The following RNF213 variants were observed in gnomAD, a reference collection of about 807,000 sequenced individuals.
The protein encoded by RNF213 is ring finger protein 213, also known as E3 ubiquitin-protein ligase RNF213.
A neutral mutation model predicts 514.4 loss-of-function variants in RNF213; 341 were observed. The ratio of observed to expected loss-of-function variants is 0.66; its 90% CI spans 0.61 to 0.73. The LOEUF (loss-of-function observed/expected upper bound fraction) is 0.73. RNF213 is among the 30% of genes least tolerant of loss of function. RNF213 has a pLI of 0.00. For synonymous variants in RNF213, 2,655 were observed against 2,658.2 expected, an observed-to-expected ratio of 1.00 and a Z score of 0.04; for missense variants, 5,767 against 6,615.6, an observed-to-expected ratio of 0.87 and a Z score of 4.45.
chr17:80,273,348 A>G lies in RNF213; in HGVS notation c.205A>G (p.Ser69Gly), dbSNP rs762055802. Residue 69 changes from serine to glycine, a missense_variant, in exon 3 of 68, where the codon AGT becomes GGT. Physicochemically the swap from Ser to Gly is moderately conservative, Grantham distance 56. Coordinates refer to ENST00000582970, the MANE Select transcript of RNF213 (RefSeq NM_001256071.3). ...CCCGTGCTTGTTCCCGGGCTCAGAC[A>G]GTTGGCAAGAAAACCCCGAGGAGCC... ...GGPCLFPGSD[S>G]WQENPEEPCS... 9.3e-6 allele frequency: 15 copies of G among 1,613,436 alleles called. No individual in the cohort carries two copies. In the South Asian group the frequency reaches 1.2e-4, roughly 13 times the overall value.
intron 37 of RNF213, among the ~76,000 whole-genome samples, chr17:80,359,549 AAAAGAG>A (rs2078968179): frequency 6.7e-6 from 1 of 148,568 alleles, no homozygotes; most frequent in Non-Finnish European, 1.5e-5. Flanking sequence ...AAAAAAAAAA[AAAAGAG>A]TGAGAGAGGG....
At chr17:80,313,234 C>T in intron 15 of RNF213, 67 bp downstream of exon 15, 1 of 1,596,818 alleles carries the variant, frequency 6.3e-7, no homozygotes, top group Non-Finnish European at 8.6e-7. Context: ...GGCCTCAAAT[C>T]ATGGGGTACA....
At position 80,343,044 on chromosome 17, in the gene RNF213, G is replaced by C; in HGVS notation, c.5990-88G>C. 1 of 1,080,902 alleles carries C rather than the reference G, an allele frequency of 9.3e-7. No individual in the cohort carries two copies. 67.0% of individuals were successfully genotyped at this position (1,080,902 alleles called of 1,614,324 possible). A position where few individuals can be genotyped will look rare whatever the true frequency, so the allele number is the denominator to read the frequency against. On this transcript the variant is annotated intron_variant, in intron 26 of 67. Coordinates refer to ENST00000582970, the MANE Select transcript of RNF213 (RefSeq NM_001256071.3). This position sits in a 1 kb window ranked among gnomAD's most constrained non-coding sequence, Gnocchi z 4.3. ...GCTGGCTTTGAACTCCTGACCTCAAGTGATCCCCCCGCCTCGGCCTCCCAA... is the reference window on the plus strand; with the variant it reads ...GCTGGCTTTGAACTCCTGACCTCAACTGATCCCCCCGCCTCGGCCTCCCAA...
chr17:80,357,385 A>G (rs1381799717), intron 36 of RNF213, among the ~76,000 whole-genome samples: 2 of 151,918 alleles, frequency 1.3e-5, no homozygotes, highest in Non-Finnish European at 2.9e-5. Context: ...CTGTCCATCC[A>G]CCCATCTGTC....
At chr17:80,269,369 C>CA (rs2043723922) in intron 2 of RNF213, among the ~76,000 whole-genome samples, 1 of 150,414 alleles carries the variant, frequency 6.6e-6, no homozygotes, top group African/African-American at 2.4e-5. Flanking sequence ...TGTCCACCTA[C>CA]CCTATCTATC....
At chr17:80,319,567 G>T in intron 17 of RNF213, 1 of 1,600,368 alleles carries the variant, frequency 6.2e-7, no homozygotes, top group Non-Finnish European at 8.5e-7. Context: ...GGCCGTGCGC[G>T]TGTGGCACAA....
At chr17:80,349,962 C>T in intron 30 of RNF213, 56 bp downstream of exon 30, 2 of 1,606,740 alleles carry the variant, frequency 1.2e-6, no homozygotes, top group Non-Finnish European at 8.5e-7. Flanking sequence ...AGCCGTGTGG[C>T]TTCTGCGTGG....
At chr17:80,293,179 C>T (rs1344152920) in intron 8 of RNF213, among the ~76,000 whole-genome samples, 3 of 152,048 alleles carry the variant, frequency 2.0e-5, no homozygotes, top group South Asian at 2.1e-4. Flanking sequence ...CCCTCAGCCC[C>T]CCCAAGTAGC....
In RNF213 at chr17:80,345,874, T is replaced by A. The variant is rs1568103689; in HGVS notation, c.7539T>A (p.Ala2513=). The stretch of plus-strand genomic sequence containing the variant: ...ATATGGTGGATGGCCAGCCTCTGGC[T>A]GAGGACTCTGGCCTGCATATTATAG... The part of the protein sequence containing the change: ...CDHMVDGQPL[A]EDSGLHIIAA... Residue 2513 remains alanine, a synonymous_variant, in exon 29 of 68, where the codon GCT becomes GCA. Transcript: ENST00000582970. This position sits in a 1 kb window ranked among gnomAD's most constrained non-coding sequence, Gnocchi z 6.0. 6.2e-7 allele frequency: 1 copy of A among 1,614,170 alleles called. No homozygotes were observed. The highest frequency in any genetic ancestry group is 1.3e-5 in the African/African-American group (1 of 75,070).
intron 52 of RNF213, 111 bp downstream of exon 52, chr17:80,376,654 G>C (rs1408722711): frequency 6.8e-7 from 1 of 1,463,754 alleles, no homozygotes. Flanking sequence ...TATCTCCTCA[G>C]TTCTCTGCCT....
intron 46 of RNF213, 75 bp downstream of exon 46, chr17:80,369,942 C>G: frequency 9.6e-6 from 10 of 1,045,120 alleles, no homozygotes; most frequent in Non-Finnish European, 1.5e-5. Context: ...GTTACCAAGT[C>G]TTCTTGTCGT....
In RNF213 at chr17:80,340,308, A is replaced by G; in HGVS notation, c.5941A>G (p.Asn1981Asp). The G allele has an allele frequency of 6.2e-7, 1 of 1,613,876 alleles. No individual in the cohort carries two copies. The highest frequency in any genetic ancestry group is 8.5e-7 in the Non-Finnish European group (1 of 1,180,014). The change falls in exon 26 of 68, where the codon AAT becomes GAT. Residue 1981 changes from asparagine (N) to aspartate (D), a missense_variant. Physicochemically the swap from Asn to Asp is conservative, Grantham distance 23. This residue lies in a region of RNF213 where 1,377 missense variants were observed against 1,635.2 expected (regional missense o/e 0.84). Transcript: ENST00000582970. ...KQTLSAAAVF[N>D]DRLCVGIVAS... ...GACCCTGTCGGCGGCAGCCGTGTTC[A>G]ATGACCGGCTGTGTGTTGGGATCGT...
chr17:80,393,361 G>T lies in RNF213; in HGVS notation c.15487G>T (p.Val5163Leu), dbSNP rs201733659. ...GTTTTTCAGCCTGAGAGACACTCTC[G>T]TAAGTTACATGCAAACTAAAGAAAG... ...RPQWSLRDTL[V>L]SYMQTKESEI... The change falls in exon 68 of 68, where the codon GTA becomes TTA. Residue 5163 changes from valine to leucine, a missense_variant. By Grantham distance (32) the Val-to-Leu change is conservative. Transcript: ENST00000582970. 10 of 1,614,024 alleles carry T rather than the reference G, an allele frequency of 6.2e-6. 1 individual carries two copies. Among genetic ancestry groups the T allele is most frequent in the Middle Eastern group, 3.3e-4 (2 of 6,062 alleles).
At chr17:80,318,815 C>T (rs1024358519) in intron 16 of RNF213, among the ~76,000 whole-genome samples, 4 of 152,196 alleles carry the variant, frequency 2.6e-5, no homozygotes, top group Non-Finnish European at 5.9e-5. Flanking sequence ...CCTCGTGATC[C>T]ACCCGCCTCA....
chr17:80,381,861 AAC>A (rs748610206), intron 57 of RNF213, 134 bp downstream of exon 57: 15 of 886,348 alleles, frequency 1.7e-5, no homozygotes, highest in African/African-American at 3.3e-5. Flanking sequence ...AGAATGAGAG[AAC>A]ACACAGAGAG....
chr17:80,372,425 C>A, intron 47 of RNF213, 96 bp from the exon 48 acceptor site: 1 of 861,630 alleles, frequency 1.2e-6, no homozygotes, highest in South Asian at 1.5e-5. Context: ...TTCTTCTATC[C>A]TTCCTTCTCC....
intron 22 of RNF213, among the ~76,000 whole-genome samples, chr17:80,335,746 C>T (rs547948226): frequency 6.6e-6 from 1 of 152,136 alleles, no homozygotes; most frequent in South Asian, 2.1e-4. Flanking sequence ...GAGGCCAAGT[C>T]GTGTGGATCA....
At chr17:80,276,404 T>A (rs933410793) in intron 3 of RNF213, among the ~76,000 whole-genome samples, 8 of 152,156 alleles carry the variant, frequency 5.3e-5, no homozygotes, top group African/African-American at 1.9e-4. Context: ...CTGCCCTATT[T>A]TTTATTTATT....
At chr17:80,374,794 A>G (rs1568154192) in intron 50 of RNF213, 2 of 590,214 alleles carry the variant, frequency 3.4e-6, no homozygotes, top group Non-Finnish European at 6.1e-6. Context: ...GACAGCTATG[A>G]CAGTTGAGCT....
Sources: allele counts gnomAD v4.1 joint callset (sites outside exome capture counted in the v4.1 genomes callset), GRCh38; gene constraint gnomAD v4.1.1; regional missense constraint gnomAD v4.1.1; non-coding constraint Gnocchi (gnomAD v3.1); transcripts MANE v1.5; gene names NCBI Gene and HGNC (gene_info 2026-07-23, HGNC 2026-07-21).